GNAS-AS1: variants seen among roughly 807,000 people sequenced by gnomAD.
GNAS-AS1 encodes GNAS antisense RNA 1 (non-protein coding).
chr20:58,847,078 C>T (rs1403781774), intron 2 of GNAS-AS1, among the ~76,000 whole-genome samples: 1 of 152,228 alleles, frequency 6.6e-6, no homozygotes. Flanking sequence ...TGTTCAAGCA[C>T]AGGTGGTCAG....
At chr20:58,828,042 C>T (rs1458880037) in intron 4 of GNAS-AS1, among the ~76,000 whole-genome samples, 1 of 152,296 alleles carries the variant, frequency 6.6e-6, no homozygotes, top group Non-Finnish European at 1.5e-5. Flanking sequence ...AAATGAACTT[C>T]CCTTTCTTGT....
At chr20:58,835,010 C>T (rs1443689519) in intron 4 of GNAS-AS1, among the ~76,000 whole-genome samples, 4 of 152,178 alleles carry the variant, frequency 2.6e-5, no homozygotes, top group Non-Finnish European at 4.4e-5. Context: ...TTGATATCAG[C>T]GCAGTCTGAA....
Position 58,830,579 on chromosome 20 carries a change from C to T in GNAS-AS1, n.820-11324G>A, listed in dbSNP as rs1264187562. 9.3e-5 allele frequency among the ~76,000 whole-genome samples: 11 copies of T among 118,062 alleles called. 1 individual carries two copies. Among genetic ancestry groups the T allele is most frequent in the Non-Finnish European group, 1.5e-4 (8 of 53,920 alleles). The allele number at this position is 118,062 out of a possible 152,430, so 77.5% of individuals were successfully genotyped here. On this transcript the variant is annotated intron_variant and non_coding_transcript_variant, in intron 4 of 4. Transcript: ENST00000424094. Reference sequence around the variant, plus strand: ...CACCACCATCACCACCACCACACCACCACCACCACAATCACCACCACCACC... The same window carrying T: ...CACCACCATCACCACCACCACACCATCACCACCACAATCACCACCACCACC...
At chr20:58,833,254 T>A (rs1404457346) in intron 4 of GNAS-AS1, among the ~76,000 whole-genome samples, 1 of 152,118 alleles carries the variant, frequency 6.6e-6, no homozygotes, top group East Asian at 1.9e-4. Context: ...CTTCCCTCCC[T>A]CCTCAGTGAA....
chr20:58,831,476 A>T (rs551460416), intron 4 of GNAS-AS1, among the ~76,000 whole-genome samples: 46 of 152,294 alleles, frequency 3.0e-4, no homozygotes, highest in African/African-American at 1.1e-3. Context: ...GGAGATGGAG[A>T]CCATCCTGGC....
chr20:58,839,690 C>T (rs955464674), intron 4 of GNAS-AS1: 2 of 468,172 alleles, frequency 4.3e-6, no homozygotes, highest in Admixed American at 3.8e-5. Context: ...TGCACATGCC[C>T]GGCAGAAGTC....
intron 4 of GNAS-AS1, among the ~76,000 whole-genome samples, chr20:58,825,298 CTT>C (rs1460342721): frequency 6.6e-6 from 1 of 152,174 alleles, no homozygotes; most frequent in Non-Finnish European, 1.5e-5. Flanking sequence ...GGTGGGAAAT[CTT>C]TGTGTCCTAG....
At chr20:58,830,455 T>TCATCAA (rs1568900344) in intron 4 of GNAS-AS1, among the ~76,000 whole-genome samples, 1 of 15,298 alleles carries the variant, frequency 6.5e-5, no homozygotes, top group East Asian at 2.2e-3. Context: ...ACCACCACCA[T>TCATCAA]CACCACCACC....
At chr20:58,846,479 G>C (rs942249982) in intron 2 of GNAS-AS1, among the ~76,000 whole-genome samples, 1 of 152,194 alleles carries the variant, frequency 6.6e-6, no homozygotes, top group African/African-American at 2.4e-5. Context: ...CATAGGTGTG[G>C]AGTTTTCATA....
intron 2 of GNAS-AS1, among the ~76,000 whole-genome samples, chr20:58,846,476 G>A (rs1211714826): frequency 6.6e-6 from 1 of 152,228 alleles, no homozygotes; most frequent in Admixed American, 6.5e-5. Flanking sequence ...TTTCATAGGT[G>A]TGGAGTTTTC....
intron 4 of GNAS-AS1, among the ~76,000 whole-genome samples, chr20:58,831,592 C>T (rs1318380602): frequency 1.3e-5 from 2 of 152,014 alleles, no homozygotes; most frequent in African/African-American, 4.8e-5. Context: ...GATTGAGCCA[C>T]TGCATTCCAG....
At chr20:58,821,715 T>C (rs1052006230) in intron 4 of GNAS-AS1, among the ~76,000 whole-genome samples, 3 of 152,198 alleles carry the variant, frequency 2.0e-5, no homozygotes, top group African/African-American at 4.8e-5. Context: ...TTCATGTACA[T>C]GGCTCTGAAG....
In GNAS-AS1 at chr20:58,840,513, A is replaced by T; in HGVS notation, n.819+1424T>A. On this transcript the variant is annotated intron_variant and non_coding_transcript_variant, in intron 4 of 4. Coordinates refer to ENST00000424094, the Ensembl canonical transcript of GNAS-AS1. The surrounding 1 kb of genome is among the most constrained non-coding windows in gnomAD (Gnocchi z 6.0). ...GAGCCTGAGACCGCCCCCACCACTG[A>T]GCCCGAGACCGAGCCTGAAGACGAT... 6.2e-7 allele frequency: 1 copy of T among 1,613,496 alleles called. No homozygotes were observed. Among genetic ancestry groups the T allele is most frequent in the East Asian group, 2.2e-5 (1 of 44,824 alleles).
In GNAS-AS1 at chr20:58,840,164, C is replaced by A. The variant is rs747725720; in HGVS notation, n.819+1773G>T. 1.4e-5 allele frequency: 22 copies of A among 1,611,676 alleles called. No homozygotes were observed. The East Asian group carries it at 4.9e-4, about 36-fold the overall frequency. On this transcript the variant is annotated intron_variant and non_coding_transcript_variant, in intron 4 of 4. Coordinates refer to ENST00000424094, the Ensembl canonical transcript of GNAS-AS1. This position sits in a 1 kb window ranked among gnomAD's most constrained non-coding sequence, Gnocchi z 6.0. ...CCGAGCTCGCCATAATTACAACGAC[C>A]TGTGCCCGCCCATAGGCCGCCGGGC...
intron 2 of GNAS-AS1, among the ~76,000 whole-genome samples, chr20:58,844,485 G>C (rs567886346): frequency 6.6e-6 from 1 of 152,150 alleles, no homozygotes; most frequent in Non-Finnish European, 1.5e-5. Context: ...GATCTAAGAC[G>C]AAAGGCCCAG....
chr20:58,847,322 C>T (rs1171957061), intron 2 of GNAS-AS1, among the ~76,000 whole-genome samples: 1 of 152,236 alleles, frequency 6.6e-6, no homozygotes, highest in African/African-American at 2.4e-5. Context: ...CTTTAGCTGG[C>T]ATTTGCTTCA....
At chr20:58,839,168 G>A (rs1600652004) in intron 4 of GNAS-AS1, 3 of 398,514 alleles carry the variant, frequency 7.5e-6, no homozygotes, top group Admixed American at 4.4e-5. Context: ...CAACCGTGGG[G>A]GCCCTTGTTG....
intron 4 of GNAS-AS1, among the ~76,000 whole-genome samples, chr20:58,827,818 TGA>T (rs1316236999): frequency 6.6e-6 from 1 of 152,218 alleles, no homozygotes; most frequent in Non-Finnish European, 1.5e-5. Context: ...CTGGGGGATT[TGA>T]GAGGTGATGT....
chr20:58,819,727 G>A (rs1037289254), intron 4 of GNAS-AS1, among the ~76,000 whole-genome samples: 5 of 152,150 alleles, frequency 3.3e-5, no homozygotes, highest in Non-Finnish European at 5.9e-5. Context: ...CTGTAGGGCC[G>A]GGGCAAGGAA....
Sources: allele counts gnomAD v4.1 joint callset (sites outside exome capture counted in the v4.1 genomes callset), GRCh38; gene constraint gnomAD v4.1.1; non-coding constraint Gnocchi (gnomAD v3.1); transcripts MANE v1.5; gene names NCBI Gene and HGNC (gene_info 2026-07-23, HGNC 2026-07-21).